Variants in NTRK2 observed in about 807,000 individuals in gnomAD.
The protein encoded by NTRK2 is neurotrophic receptor tyrosine kinase 2, also known as BDNF/NT-3 growth factors receptor.
NTRK2 carries 13 observed loss-of-function variants against 94.5 expected under a neutral mutation model. The ratio of observed to expected loss-of-function variants is 0.14; its 90% CI spans 0.09 to 0.22. The LOEUF is 0.22. Ranked by LOEUF, NTRK2 falls within the 10% of genes least tolerant of loss-of-function variation. NTRK2 has a pLI of 1.00. For synonymous variants in NTRK2, 372 were observed against 407.4 expected, an observed-to-expected ratio of 0.91 and a Z score of 1.05; for missense variants, 639 against 1,071.2, an observed-to-expected ratio of 0.60 and a Z score of 5.63.
rs144586764 is a variant in NTRK2, at chr9:84,745,191, ACACCT to A, written c.1296+119_1296+123del. On this transcript the variant is annotated intron_variant, in intron 11 of 18. Coordinates refer to ENST00000277120, the MANE Select transcript of NTRK2 (RefSeq NM_006180.6). ...TTGTTCAGATATAAATAGGGTGTTAACACCTAGGTTGGAAGAATTAATAAAAGGCT... is the reference window on the plus strand; with the variant it reads ...TTGTTCAGATATAAATAGGGTGTTAAAGGTTGGAAGAATTAATAAAAGGCT... 590,606 of 769,104 alleles carry A rather than the reference ACACCT, an allele frequency of 0.77. 227,727 individuals are homozygous for A. The highest frequency in any genetic ancestry group is 0.89 in the East Asian group (34,431 of 38,824). 47.6% of individuals were successfully genotyped at this position (769,104 alleles called of 1,614,324 possible).
intron 4 of NTRK2, among the ~76,000 whole-genome samples, chr9:84,702,855 T>G (rs1471926014): frequency 6.6e-6 from 1 of 152,228 alleles, no homozygotes; most frequent in Non-Finnish European, 1.5e-5. Context: ...GGATTCTCTT[T>G]TGAACCTTCA....
At chr9:84,935,318 G>A (rs2078178739) in intron 15 of NTRK2, among the ~76,000 whole-genome samples, 1 of 152,144 alleles carries the variant, frequency 6.6e-6, no homozygotes, top group African/African-American at 2.4e-5. Flanking sequence ...TTCCATTACT[G>A]TTATACTTAA....
At chr9:84,993,678 T>A (rs1829375721) in intron 17 of NTRK2, among the ~76,000 whole-genome samples, 1 of 152,218 alleles carries the variant, frequency 6.6e-6, no homozygotes, top group African/African-American at 2.4e-5. Context: ...TTCTCTGGCC[T>A]GCGACATCCT....
intron 12 of NTRK2, chr9:84,814,781 A>G (rs1344649925): frequency 9.4e-7 from 1 of 1,064,092 alleles, no homozygotes; most frequent in Non-Finnish European, 1.1e-6. Flanking sequence ...AGGGTCTCTC[A>G]GGGTTGGTGC....
At chr9:85,014,414 A>G (rs1356905051) in intron 17 of NTRK2, among the ~76,000 whole-genome samples, 1 of 152,320 alleles carries the variant, frequency 6.6e-6, no homozygotes, top group East Asian at 1.9e-4. Context: ...ACTCATGGGG[A>G]AGAACCTAGC....
intron 15 of NTRK2, among the ~76,000 whole-genome samples, chr9:84,938,435 T>C (rs945055241): frequency 3.9e-5 from 6 of 152,236 alleles, no homozygotes; most frequent in Non-Finnish European, 8.8e-5. Flanking sequence ...GTTGTCCCTC[T>C]TGGGAAGGAT....
intron 17 of NTRK2, among the ~76,000 whole-genome samples, chr9:84,979,998 T>C (rs913815264): frequency 6.6e-6 from 1 of 152,238 alleles, no homozygotes; most frequent in African/African-American, 2.4e-5. Flanking sequence ...TAAACAGAAC[T>C]TGTGTAAGCA....
intron 9 of NTRK2, among the ~76,000 whole-genome samples, chr9:84,731,681 C>G (rs1285078115): frequency 6.6e-6 from 1 of 152,094 alleles, no homozygotes; most frequent in Non-Finnish European, 1.5e-5. Context: ...GGCAGACACT[C>G]TGTTCTCTAC....
intron 17 of NTRK2, among the ~76,000 whole-genome samples, chr9:84,978,979 G>GA (rs1346574719): frequency 3.9e-5 from 6 of 152,236 alleles, no homozygotes; most frequent in South Asian, 2.1e-4. Context: ...ATGCTGCCTG[G>GA]AAAAAAAGAT....
chr9:84,693,976 A>G (rs758296586), intron 2 of NTRK2, among the ~76,000 whole-genome samples: 2 of 152,216 alleles, frequency 1.3e-5, no homozygotes, highest in Non-Finnish European at 2.9e-5. Flanking sequence ...ATAATACAGG[A>G]CATCATCCTA....
chr9:84,949,758 A>G (rs575603292), intron 16 of NTRK2, among the ~76,000 whole-genome samples: 80 of 152,234 alleles, frequency 5.3e-4, no homozygotes, highest in Non-Finnish European at 9.0e-4. Context: ...GAGCCACCAC[A>G]CCTGGCCCTG....
chr9:85,000,532 T>C (rs575590051), intron 17 of NTRK2, among the ~76,000 whole-genome samples: 11 of 152,286 alleles, frequency 7.2e-5, no homozygotes, highest in Non-Finnish European at 1.5e-4. Flanking sequence ...CCTTTTCAGG[T>C]TGGCTTCTTT....
chr9:84,763,870 C>G (rs1462178939), intron 12 of NTRK2, among the ~76,000 whole-genome samples: 2 of 151,556 alleles, frequency 1.3e-5, no homozygotes, highest in Non-Finnish European at 2.9e-5. Flanking sequence ...CCCTTGCAGT[C>G]TAGAACATGG....
At position 84,926,157 on chromosome 9, in the gene NTRK2, CCTTCCTTCCTTCCTTTCTTTCTTTCTTT is replaced by C. The variant is rs1564470976; in HGVS notation, c.1634-8001_1634-7974del. 7.6e-3 allele frequency among the ~76,000 whole-genome samples: 605 copies of C among 79,974 alleles called. 1 individual carries two copies. Among genetic ancestry groups the C allele is most frequent in the Admixed American group, 0.011 (78 of 7,278 alleles). 52.5% of individuals were successfully genotyped at this position (79,974 alleles called of 152,430 possible). On this transcript the variant is annotated intron_variant, in intron 14 of 18. Transcript: ENST00000277120. ...TCCTTCCTTCCTTCCTTCCTTCCTTCCTTCCTTCCTTCCTTTCTTTCTTTCTTTCTTTCTTTCTTTCTTTCTTTCTTTC... is the reference window on the plus strand; with the variant it reads ...TCCTTCCTTCCTTCCTTCCTTCCTTCCTTTCTTTCTTTCTTTCTTTCTTTC...
At chr9:84,870,394 T>G (rs2075818765) in intron 14 of NTRK2, among the ~76,000 whole-genome samples, 1 of 134,082 alleles carries the variant, frequency 7.5e-6, no homozygotes, top group African/African-American at 2.7e-5. Context: ...TGGAGTGCAA[T>G]GGCACAATCA....
intron 14 of NTRK2, among the ~76,000 whole-genome samples, chr9:84,889,705 G>A (rs930258669): frequency 6.6e-6 from 1 of 152,230 alleles, no homozygotes; most frequent in Non-Finnish European, 1.5e-5. Flanking sequence ...AAGCCACTGT[G>A]CCCGGCCAAT....
chr9:84,831,677 G>A (rs143946629), intron 12 of NTRK2, among the ~76,000 whole-genome samples: 4 of 152,288 alleles, frequency 2.6e-5, no homozygotes, highest in African/African-American at 9.6e-5. Flanking sequence ...GCTAATAAAT[G>A]TCACAGCAAG....
chr9:84,818,386 G>A (rs917574008), intron 12 of NTRK2, among the ~76,000 whole-genome samples: 3 of 152,180 alleles, frequency 2.0e-5, no homozygotes, highest in Non-Finnish European at 1.5e-5. Flanking sequence ...ACTAGCACTG[G>A]CAGTTGTGTT....
At chr9:85,000,119 C>A (rs993406420) in intron 17 of NTRK2, among the ~76,000 whole-genome samples, 1 of 152,198 alleles carries the variant, frequency 6.6e-6, no homozygotes, top group African/African-American at 2.4e-5. Context: ...AGGTTTATAG[C>A]AAAGTGGAAC....
Sources: gnomAD v4.1 joint callset for allele counts (sites outside exome capture counted in the v4.1 genomes callset) on GRCh38, gnomAD v4.1.1 for gene constraint, MANE v1.5 for transcripts, NCBI Gene and HGNC (gene_info 2026-07-23, HGNC 2026-07-21) for gene names.